Variants in PACRG observed in about 807,000 individuals in gnomAD.
PACRG encodes parkin coregulated.
A neutral mutation model predicts 29.7 loss-of-function variants in PACRG; 29 were observed. The ratio of observed to expected loss-of-function variants is 0.98; its 90% CI spans 0.73 to 1.33. The LOEUF (loss-of-function observed/expected upper bound fraction) is 1.33, where lower values mean the gene tolerates loss of function less well. Among genes scored for constraint, PACRG ranks in the 40% most tolerant of loss-of-function variants. PACRG has a pLI of 0.00. For synonymous variants in PACRG, 116 were observed against 118.7 expected (o/e 0.98, Z 0.15); for missense variants, 279 against 316.2 (o/e 0.88, Z 0.89).
At chr6:162,807,276 C>T (rs1360376942) in intron 1 of PACRG, among the ~76,000 whole-genome samples, 2 of 152,186 alleles carry the variant, frequency 1.3e-5, no homozygotes, top group Non-Finnish European at 2.9e-5. Flanking sequence ...ACTGGGATAG[C>T]ACTTTTTATT....
chr6:163,136,831 C>A (rs1180348325), intron 4 of PACRG, among the ~76,000 whole-genome samples: 1 of 152,096 alleles, frequency 6.6e-6, no homozygotes, highest in Non-Finnish European at 1.5e-5. Context: ...GAATCATATG[C>A]GATGAATAAA....
At chr6:163,108,842 A>G (rs548406797) in intron 4 of PACRG, among the ~76,000 whole-genome samples, 1 of 152,192 alleles carries the variant, frequency 6.6e-6, no homozygotes, top group African/African-American at 2.4e-5. Flanking sequence ...CAACAAAGAA[A>G]AGGTCTGCCT....
intron 2 of PACRG, among the ~76,000 whole-genome samples, chr6:162,883,902 T>G (rs1413084081): frequency 1.3e-5 from 1 of 78,370 alleles, no homozygotes; most frequent in Non-Finnish European, 2.3e-5. Context: ...CATAGACTGC[T>G]CTCTACATAT....
At chr6:163,072,605 T>G (rs1366875825) in intron 3 of PACRG, among the ~76,000 whole-genome samples, 1 of 152,008 alleles carries the variant, frequency 6.6e-6, no homozygotes, top group Non-Finnish European at 1.5e-5. Context: ...AAGTCTTAGC[T>G]AGGGCAATCA....
chr6:162,804,590 A>C (rs541846329), intron 1 of PACRG, among the ~76,000 whole-genome samples: 1 of 152,218 alleles, frequency 6.6e-6, no homozygotes, highest in African/African-American at 2.4e-5. Context: ...TCTTGATGCC[A>C]CCTTAATTTA....
intron 4 of PACRG, among the ~76,000 whole-genome samples, chr6:163,123,234 C>G (rs765481428): frequency 6.6e-6 from 1 of 152,200 alleles, no homozygotes; most frequent in Non-Finnish European, 1.5e-5. Context: ...CCACCCTAGC[C>G]TTTTAATATG....
intron 4 of PACRG, among the ~76,000 whole-genome samples, chr6:163,240,251 G>C (rs1304471751): frequency 2.0e-5 from 3 of 149,390 alleles, no homozygotes; most frequent in South Asian, 2.2e-4. Context: ...GGAGGAGGAG[G>C]GGGGGACGTG....
rs9918436 is a variant in PACRG at position 162,776,093 on chromosome 6, A to G, written c.157-38054A>G. Among the ~76,000 whole-genome samples, 534 of 152,344 alleles carry G rather than the reference A, an allele frequency of 3.5e-3. 3 individuals carry two copies. The highest frequency in any genetic ancestry group is 0.012 in the African/African-American group (500 of 41,578). On this transcript the variant is annotated intron_variant, in intron 1 of 4. Coordinates refer to ENST00000366888, the MANE Select transcript of PACRG (RefSeq NM_001080379.2). Reference sequence around the variant, plus strand: ...GATACCACAAATAAAATCCATCCAGAAAATAACACTGTTACATTGTCCCCG... The same window carrying G: ...GATACCACAAATAAAATCCATCCAGGAAATAACACTGTTACATTGTCCCCG...
chr6:163,097,829 T>C lies in PACRG; in HGVS notation c.613+8421T>C, dbSNP rs553471924. On this transcript the variant is annotated intron_variant, in intron 4 of 4. Transcript: ENST00000366888. ...TATTATGTAGATGAAGTCTCATAGG[T>C]GGTACCCTTAGAGAAAATAAGTTGG... 4.6e-4 allele frequency among the ~76,000 whole-genome samples: 70 copies of C among 152,254 alleles called. No individual in the cohort carries two copies. The South Asian group carries it at 0.01, about 22-fold the overall frequency.
chr6:163,153,587 T>C (rs1017685958), intron 4 of PACRG, among the ~76,000 whole-genome samples: 1 of 152,200 alleles, frequency 6.6e-6, no homozygotes, highest in African/African-American at 2.4e-5. Flanking sequence ...TTACATCCCA[T>C]TTCACGTGAC....
intron 2 of PACRG, among the ~76,000 whole-genome samples, chr6:162,911,982 C>T (rs554584207): frequency 7.9e-5 from 12 of 152,316 alleles, no homozygotes; most frequent in South Asian, 4.1e-4. Context: ...TCTCTACTTC[C>T]GCTCTTCTGC....
At chr6:163,010,032 T>C (rs949879432) in intron 2 of PACRG, among the ~76,000 whole-genome samples, 2 of 152,176 alleles carry the variant, frequency 1.3e-5, no homozygotes, top group Admixed American at 1.3e-4. Context: ...TTGTTAATGT[T>C]TTGGATTCAA....
At chr6:162,810,901 A>T (rs1786805925) in intron 1 of PACRG, among the ~76,000 whole-genome samples, 1 of 152,222 alleles carries the variant, frequency 6.6e-6, no homozygotes. Context: ...AAAACTTTCT[A>T]AATTTGGCAA....
chr6:163,068,772 T>C (rs1460018865), intron 3 of PACRG, among the ~76,000 whole-genome samples: 2 of 152,160 alleles, frequency 1.3e-5, no homozygotes, highest in East Asian at 3.9e-4. Flanking sequence ...ATTGTAACTT[T>C]CCTTTCCTCT....
At chr6:162,950,367 G>T (rs1298398252) in intron 2 of PACRG, among the ~76,000 whole-genome samples, 1 of 152,116 alleles carries the variant, frequency 6.6e-6, no homozygotes, top group Non-Finnish European at 1.5e-5. Flanking sequence ...AATTAGCCGG[G>T]CGTGGTGGCG....
intron 2 of PACRG, among the ~76,000 whole-genome samples, chr6:163,026,747 C>T (rs1026187185): frequency 2.6e-4 from 40 of 152,178 alleles, no homozygotes; most frequent in African/African-American, 8.9e-4. Flanking sequence ...CGTGGGAGCA[C>T]TTAGCAAATA....
intron 4 of PACRG, among the ~76,000 whole-genome samples, chr6:163,108,133 G>A (rs1206369282): frequency 1.3e-5 from 2 of 152,144 alleles, no homozygotes; most frequent in African/African-American, 2.4e-5. Context: ...GTTGGAGGAG[G>A]GGCCAGGTGG....
At chr6:162,860,708 T>C (rs1791787535) in intron 2 of PACRG, among the ~76,000 whole-genome samples, 2 of 152,238 alleles carry the variant, frequency 1.3e-5, no homozygotes, top group Non-Finnish European at 2.9e-5. Flanking sequence ...TGTAAATTTT[T>C]ATCAAAGGTA....
chr6:162,748,408 G>A (rs781547798), intron 1 of PACRG, among the ~76,000 whole-genome samples: 1 of 152,042 alleles, frequency 6.6e-6, no homozygotes, highest in Non-Finnish European at 1.5e-5. Flanking sequence ...CATGAGAATC[G>A]CTTGAACCCC....
Sources: gnomAD v4.1 joint callset for allele counts (sites outside exome capture counted in the v4.1 genomes callset) on GRCh38, gnomAD v4.1.1 for gene constraint, MANE v1.5 for transcripts, NCBI Gene and HGNC (gene_info 2026-07-23, HGNC 2026-07-21) for gene names.